Variants in KIAA0753 observed in about 807,000 individuals in gnomAD.
KIAA0753 encodes the protein protein moonraker.
A neutral mutation model predicts 116.9 loss-of-function variants in KIAA0753; 114 were observed. The ratio of observed to expected loss-of-function variants is 0.98; its 90% CI spans 0.84 to 1.14. KIAA0753 has a LOEUF of 1.14. KIAA0753 is among the 50% of genes most tolerant of loss of function. The pLI, the probability that KIAA0753 is intolerant of heterozygous loss-of-function variation, is 0.00. For missense variants in KIAA0753, 1,156 were observed against 1,172.4 expected, an observed-to-expected ratio of 0.99 and a Z score of 0.20; for synonymous variants, 405 against 413.1, an observed-to-expected ratio of 0.98 and a Z score of 0.24.
In KIAA0753 at chr17:6,590,258, A is replaced by G. The variant is rs188654038; in HGVS notation, c.2561+252T>C. On this transcript the variant is annotated intron_variant, in intron 17 of 18. Coordinates refer to ENST00000361413, the MANE Select transcript of KIAA0753 (RefSeq NM_014804.3). ...TGCAGTAAATATCACTACAACCCAC[A>G]TGTACTGATGTGATGCTTTCCACAT... 1.4e-4 allele frequency among the ~76,000 whole-genome samples: 21 copies of G among 152,330 alleles called. No homozygotes were observed. In the East Asian group the frequency reaches 3.7e-3, roughly 27 times the overall value.
chr17:6,606,770 G>A (rs1220843869), intron 12 of KIAA0753, 103 bp downstream of exon 12: 1 of 784,676 alleles, frequency 1.3e-6, no homozygotes, highest in Non-Finnish European at 2.2e-6. Context: ...ATTCATTCAT[G>A]TAATGAAGTT....
At chr17:6,627,642 A>G (rs555369380) in intron 3 of KIAA0753, among the ~76,000 whole-genome samples, 1 of 152,364 alleles carries the variant, frequency 6.6e-6, no homozygotes, top group South Asian at 2.1e-4. Flanking sequence ...CACTTTACAC[A>G]TATACCCACA....
chr17:6,610,874 G>A (rs780465610), intron 8 of KIAA0753, among the ~76,000 whole-genome samples: 1 of 152,196 alleles, frequency 6.6e-6, no homozygotes, highest in East Asian at 1.9e-4. Flanking sequence ...GTGGAGAGGC[G>A]CACCCATCTG....
rs1349414171 is a variant in KIAA0753 at position 6,600,476 on chromosome 17, T to G, written c.2010-18A>C. ...CAGAAACACTATTTAGAAATAAAATTGAAAATTAAAATCAAAGGCAATAAA... is the reference window on the plus strand; with the variant it reads ...CAGAAACACTATTTAGAAATAAAATGGAAAATTAAAATCAAAGGCAATAAA... On this transcript the variant is annotated intron_variant, in intron 12 of 18. Coordinates refer to ENST00000361413, the MANE Select transcript of KIAA0753 (RefSeq NM_014804.3). 1 of 1,592,032 alleles carries G rather than the reference T, an allele frequency of 6.3e-7. No homozygotes were observed. Among genetic ancestry groups the G allele is most frequent in the South Asian group, 1.1e-5 (1 of 90,342 alleles).
intron 17 of KIAA0753, among the ~76,000 whole-genome samples, chr17:6,590,235 C>A (rs965722036): frequency 1.4e-4 from 21 of 152,148 alleles, no homozygotes; most frequent in African/African-American, 5.1e-4. Flanking sequence ...GCAAATCGTG[C>A]AGTAAATATC....
At chr17:6,637,815 A>C (rs979458584) in intron 1 of KIAA0753, 1 of 152,328 alleles carries the variant, frequency 6.6e-6, no homozygotes, top group Non-Finnish European at 1.5e-5. Context: ...GCACCCTGGG[A>C]GCCACGGGCA....
intron 16 of KIAA0753, among the ~76,000 whole-genome samples, chr17:6,594,280 C>G (rs894945128): frequency 6.7e-4 from 21 of 31,284 alleles, no homozygotes; most frequent in East Asian, 2.6e-3. Context: ...GATTCTGACC[C>G]CCCCCCCCAG....
intron 12 of KIAA0753, among the ~76,000 whole-genome samples, chr17:6,603,634 A>G (rs1970012529): frequency 6.6e-6 from 1 of 152,232 alleles, no homozygotes; most frequent in Non-Finnish European, 1.5e-5. Context: ...ACCTAGGGAC[A>G]CTGGGACCAA....
intron 3 of KIAA0753, among the ~76,000 whole-genome samples, chr17:6,626,684 G>A (rs1366248168): frequency 6.6e-6 from 1 of 152,132 alleles, no homozygotes; most frequent in East Asian, 1.9e-4. Flanking sequence ...ATCCATGAAA[G>A]GTAAGTACAG....
chr17:6,633,085 A>C (rs1170649690), intron 2 of KIAA0753, among the ~76,000 whole-genome samples: 1 of 152,174 alleles, frequency 6.6e-6, no homozygotes, highest in African/African-American at 2.4e-5. Flanking sequence ...TATATAATAG[A>C]ATTCTTTATT....
At chr17:6,590,924 C>T (rs1968949211) in intron 16 of KIAA0753, among the ~76,000 whole-genome samples, 1 of 151,222 alleles carries the variant, frequency 6.6e-6, no homozygotes, top group Admixed American at 6.6e-5. Flanking sequence ...TAGGACCCAG[C>T]CACCCACTCA....
At chr17:6,625,844 G>A (rs1735509487) in intron 3 of KIAA0753, among the ~76,000 whole-genome samples, 1 of 152,086 alleles carries the variant, frequency 6.6e-6, no homozygotes, top group Non-Finnish European at 1.5e-5. Context: ...TGGGATTACA[G>A]GTCCACACCA....
At chr17:6,623,243 AAAGTTT>A (rs2150889190) in intron 5 of KIAA0753, 146 bp from the exon 6 acceptor site, 4 of 843,924 alleles carry the variant, frequency 4.7e-6, no homozygotes, top group Non-Finnish European at 3.6e-6. Context: ...AGGGAGTTGT[AAAGTTT>A]AAAGTTTTCT....
chr17:6,633,862 G>A lies in KIAA0753; in HGVS notation c.93+1149C>T, dbSNP rs560631063. Among the ~76,000 whole-genome samples the A allele has an allele frequency of 7.9e-5, 12 of 152,268 alleles. 1 individual carries two copies. The highest frequency in any genetic ancestry group is 2.2e-4 in the African/African-American group (9 of 41,566). On this transcript the variant is annotated intron_variant, in intron 2 of 18. Coordinates refer to ENST00000361413, the MANE Select transcript of KIAA0753 (RefSeq NM_014804.3). ...ATCTGTGGTGGAAAAAATAAGAATA[G>A]TGGCTGCCTCTGGAGGGGAGGAGTG...
chr17:6,590,182 A>T (rs1390875645), intron 17 of KIAA0753, among the ~76,000 whole-genome samples, 179 bp from the exon 18 acceptor site: 1 of 152,222 alleles, frequency 6.6e-6, no homozygotes, highest in Admixed American at 6.5e-5. Flanking sequence ...ACCAACCCTC[A>T]ACATGTGGGA....
chr17:6,624,938 C>T (rs1411358727), intron 3 of KIAA0753, 77 bp from the exon 4 acceptor site: 1 of 906,284 alleles, frequency 1.1e-6, no homozygotes, highest in African/African-American at 1.7e-5. Flanking sequence ...CAATTACTTA[C>T]AGAAATAATA....
In KIAA0753 at chr17:6,610,163, G is replaced by A; in HGVS notation, c.1546-3C>T. On this transcript the variant is annotated splice_polypyrimidine_tract_variant and splice_region_variant and intron_variant, in intron 8 of 18. Transcript: ENST00000361413. Reference sequence around the variant, plus strand: ...CCTCTTTCAGCTTTGCGGAGTCCCTGTGAGAGATAAGTAAGAATTATAAGG... The same window carrying A: ...CCTCTTTCAGCTTTGCGGAGTCCCTATGAGAGATAAGTAAGAATTATAAGG... The A allele has an allele frequency of 6.2e-7, 1 of 1,613,942 alleles. No individual in the cohort carries two copies. Among genetic ancestry groups the A allele is most frequent in the Non-Finnish European group, 8.5e-7 (1 of 1,179,888 alleles).
intron 8 of KIAA0753, 32 bp from the exon 9 acceptor site, chr17:6,610,192 C>T (rs771236933): frequency 6.2e-7 from 1 of 1,608,642 alleles, no homozygotes; most frequent in Admixed American, 1.7e-5. Flanking sequence ...TATAAGGCCA[C>T]ACAAATACCA....
chr17:6,606,149 T>C (rs1001918154), intron 12 of KIAA0753, among the ~76,000 whole-genome samples: 2 of 152,196 alleles, frequency 1.3e-5, no homozygotes, highest in African/African-American at 4.8e-5. Flanking sequence ...GAAAAGATCC[T>C]TCAAATCCCA....
Sources: allele counts gnomAD v4.1 joint callset (sites outside exome capture counted in the v4.1 genomes callset), GRCh38; gene constraint gnomAD v4.1.1; transcripts MANE v1.5; gene names NCBI Gene and HGNC (gene_info 2026-07-23, HGNC 2026-07-21).